Variants in DLGAP2 observed in about 807,000 individuals in gnomAD.
DLGAP2 encodes the protein disks large-associated protein 2.
In DLGAP2, 26 loss-of-function variants were observed where a neutral mutation model predicts 100.3. The observed-to-expected ratio is 0.26, with a 90% CI of 0.19 to 0.36. The LOEUF (loss-of-function observed/expected upper bound fraction) is 0.36. Ranked by LOEUF, DLGAP2 falls within the 10% of genes least tolerant of loss-of-function variation. The pLI is 1.00. For synonymous variants in DLGAP2, 886 were observed against 630.1 expected (o/e 1.41, Z -6.08); for missense variants, 1,858 against 1,453.2 (o/e 1.28, Z -4.53).
chr8:1,106,551 G>A (rs1191183075), intron 2 of DLGAP2, among the ~76,000 whole-genome samples: 1 of 150,978 alleles, frequency 6.6e-6, no homozygotes, highest in Non-Finnish European at 1.5e-5. Context: ...AGCCATTCTA[G>A]GAGGGTTTTC....
chr8:832,428 A>G (rs868312206), intron 1 of DLGAP2, among the ~76,000 whole-genome samples: 1 of 152,174 alleles, frequency 6.6e-6, no homozygotes, highest in Non-Finnish European at 1.5e-5. Flanking sequence ...CAGCTGTGAC[A>G]TTTTAATTTT....
intron 1 of DLGAP2, among the ~76,000 whole-genome samples, chr8:799,020 G>A (rs4075375): frequency 0.25 from 38,053 of 152,230 alleles, 6,013 homozygotes; most frequent in African/African-American, 0.44. Flanking sequence ...CAGGTCGCTG[G>A]GGACAGTATG....
At chr8:1,481,330 C>G (rs560746057) in intron 3 of DLGAP2, among the ~76,000 whole-genome samples, 3 of 152,044 alleles carry the variant, frequency 2.0e-5, no homozygotes, top group African/African-American at 7.2e-5. Context: ...TGAGCGTGAC[C>G]GTTCAGAGAC....
chr8:1,193,406 C>G (rs1230872401), intron 2 of DLGAP2, among the ~76,000 whole-genome samples: 1 of 152,168 alleles, frequency 6.6e-6, no homozygotes, highest in African/African-American at 2.4e-5. Context: ...TTTTGATTTG[C>G]ATTTGTCTGA....
intron 3 of DLGAP2, among the ~76,000 whole-genome samples, chr8:1,307,017 A>G (rs551161686): frequency 6.6e-6 from 1 of 152,164 alleles, no homozygotes; most frequent in Non-Finnish European, 1.5e-5. Context: ...ACAAGCAACA[A>G]AAGAATAGAT....
chr8:1,454,182 G>T (rs914854467), intron 3 of DLGAP2, among the ~76,000 whole-genome samples: 3 of 152,204 alleles, frequency 2.0e-5, no homozygotes, highest in Non-Finnish European at 4.4e-5. Flanking sequence ...GGATGTGTGT[G>T]TATGTCTGTG....
intron 1 of DLGAP2, chr8:738,255 C>T (rs916740161): frequency 1.9e-5 from 3 of 154,770 alleles, no homozygotes; most frequent in South Asian, 2.1e-4. Flanking sequence ...GACTGCATCC[C>T]CCTCCCCCCA....
chr8:1,674,034 T>C (rs1238791122), intron 10 of DLGAP2, among the ~76,000 whole-genome samples: 1 of 152,218 alleles, frequency 6.6e-6, no homozygotes, highest in Non-Finnish European at 1.5e-5. Flanking sequence ...ATAAGCATTC[T>C]TGAGGTTATC....
intron 2 of DLGAP2, among the ~76,000 whole-genome samples, chr8:1,230,476 C>T (rs75883268): frequency 6.6e-6 from 1 of 152,154 alleles, no homozygotes; most frequent in African/African-American, 2.4e-5. Context: ...TATCAAACTA[C>T]CAAAGTCATT....
chr8:1,213,171 C>G (rs900840310), intron 2 of DLGAP2, among the ~76,000 whole-genome samples: 2 of 152,022 alleles, frequency 1.3e-5, no homozygotes, highest in Admixed American at 6.6e-5. Flanking sequence ...TTGCTGTGTG[C>G]GGGATGTTAT....
chr8:1,212,994 C>T (rs569004830), intron 2 of DLGAP2, among the ~76,000 whole-genome samples: 13 of 152,106 alleles, frequency 8.5e-5, no homozygotes, highest in Admixed American at 6.5e-5. Context: ...GTTGCTCTTA[C>T]GGCAGAGATT....
intron 2 of DLGAP2, among the ~76,000 whole-genome samples, chr8:947,928 T>C (rs1300524754): frequency 4.8e-4 from 62 of 128,850 alleles, no homozygotes; most frequent in African/African-American, 1.7e-3. Context: ...AACCCGCGTG[T>C]GCCATGGGTT....
intron 2 of DLGAP2, among the ~76,000 whole-genome samples, chr8:1,161,832 C>G (rs1011265838): frequency 6.6e-6 from 1 of 152,244 alleles, no homozygotes; most frequent in Non-Finnish European, 1.5e-5. Context: ...ATTGGTGCCT[C>G]TTGGTGGCTT....
chr8:1,043,653 C>T (rs972089197), intron 2 of DLGAP2, among the ~76,000 whole-genome samples: 4 of 151,810 alleles, frequency 2.6e-5, no homozygotes, highest in African/African-American at 9.7e-5. Flanking sequence ...AGCTGTGCTG[C>T]CTTTTCAGGG....
Position 1,701,585 on chromosome 8 carries a change from G to A in DLGAP2, c.*179G>A. The A allele has an allele frequency of 3.0e-6, 2 of 657,204 alleles. No individual in the cohort carries two copies. The highest frequency in any genetic ancestry group is 4.0e-5 in the South Asian group (2 of 49,928). 40.7% of individuals were successfully genotyped at this position (657,204 alleles called of 1,614,324 possible). A position where few individuals can be genotyped will look rare whatever the true frequency, so the allele number is the denominator to read the frequency against. ...GGCCTCAGAGTCCACGGAGCTCGCG[G>A]CGAGGACGACTTCTGCTTTTGTTGT... On this transcript the variant is annotated 3_prime_UTR_variant, in exon 15 of 15. Transcript: ENST00000637795.
intron 3 of DLGAP2, among the ~76,000 whole-genome samples, chr8:1,455,665 C>T (rs1422914943): frequency 6.6e-6 from 1 of 152,160 alleles, no homozygotes; most frequent in Non-Finnish European, 1.5e-5. Context: ...CAGGGGCACG[C>T]CCCCCATTTA....
chr8:892,619 G>C (rs572505485), intron 1 of DLGAP2, among the ~76,000 whole-genome samples: 63 of 152,308 alleles, frequency 4.1e-4, no homozygotes, highest in African/African-American at 1.4e-3. Flanking sequence ...GTTTAGCTGC[G>C]TGGCTTCCCT....
chr8:1,359,418 A>C (rs115944537), intron 3 of DLGAP2, among the ~76,000 whole-genome samples: 1,871 of 152,354 alleles, frequency 0.012, 41 homozygotes, highest in African/African-American at 0.042. Context: ...TTCTTTTTTA[A>C]AACAGGAAGT....
At chr8:940,114 AGTGGGGC>A (rs904165435) in intron 2 of DLGAP2, among the ~76,000 whole-genome samples, 4 of 152,202 alleles carry the variant, frequency 2.6e-5, no homozygotes, top group Admixed American at 6.5e-5. Flanking sequence ...GTGGAAAGAC[AGTGGGGC>A]GTGGGGCGTG....
Sources: allele counts gnomAD v4.1 joint callset (sites outside exome capture counted in the v4.1 genomes callset), GRCh38; gene constraint gnomAD v4.1.1; transcripts MANE v1.5; gene names NCBI Gene and HGNC (gene_info 2026-07-23, HGNC 2026-07-21).